CHLSN: variants seen among roughly 807,000 people sequenced by gnomAD.
The protein encoded by CHLSN is cholesin, also known as protein cholesin.
the CHLSN span, among the ~76,000 whole-genome samples, chr7:1,033,813 G>A: frequency 6.6e-6 from 1 of 152,072 alleles, no homozygotes; most frequent in Non-Finnish European, 1.5e-5. Flanking sequence ...TGCCTCCTGA[G>A]TGAGGGGAGG....
chr7:1,002,271 C>A, the CHLSN span, among the ~76,000 whole-genome samples: 3 of 62,906 alleles, frequency 4.8e-5, no homozygotes, highest in Admixed American at 3.6e-4. Flanking sequence ...GTGAGTGGAG[C>A]CCTGTGGGTG....
chr7:1,023,501 C>G, the CHLSN span, among the ~76,000 whole-genome samples: 11 of 151,850 alleles, frequency 7.2e-5, no homozygotes, highest in Admixed American at 2.6e-4. This position sits in a 1 kb window ranked among gnomAD's most constrained non-coding sequence, Gnocchi z 5.0. Flanking sequence ...CAGGGTCCCC[C>G]GCAGGCTCCT....
chr7:1,052,834 G>A, the CHLSN span, among the ~76,000 whole-genome samples: 1 of 152,190 alleles, frequency 6.6e-6, no homozygotes, highest in African/African-American at 2.4e-5. The surrounding 1 kb of genome is among the most constrained non-coding windows in gnomAD (Gnocchi z 4.2). Context: ...TGGGGGGCAG[G>A]CGGCCCTTCT....
At chr7:1,035,755 C>T in the CHLSN span, among the ~76,000 whole-genome samples, 1 of 152,174 alleles carries the variant, frequency 6.6e-6, no homozygotes, top group African/African-American at 2.4e-5. Flanking sequence ...TTGGCAAAAT[C>T]CTGCCACAGG....
the CHLSN span, among the ~76,000 whole-genome samples, chr7:1,096,889 G>A: frequency 6.6e-6 from 1 of 152,174 alleles, no homozygotes; most frequent in Non-Finnish European, 1.5e-5. This position sits in a 1 kb window ranked among gnomAD's most constrained non-coding sequence, Gnocchi z 4.6. Context: ...CAGGGTGGGG[G>A]AGAGAACTAC....
chr7:1,122,842 C>T, the CHLSN span, among the ~76,000 whole-genome samples: 12 of 152,340 alleles, frequency 7.9e-5, no homozygotes, highest in East Asian at 1.5e-3. Context: ...AGGCCCAAGG[C>T]GCCAACCCCA....
At chr7:1,102,665 C>T in the CHLSN span, among the ~76,000 whole-genome samples, 2,704 of 152,204 alleles carry the variant, frequency 0.018, 38 homozygotes, top group Non-Finnish European at 0.029. Context: ...ACCCAGCGGG[C>T]GACCTGGAGA....
the CHLSN span, among the ~76,000 whole-genome samples, chr7:1,075,344 C>A: frequency 6.6e-6 from 1 of 151,952 alleles, no homozygotes; most frequent in Non-Finnish European, 1.5e-5. Flanking sequence ...AATCCTGTCT[C>A]TACTAAACAT....
At chr7:1,015,131 T>A in the CHLSN span, among the ~76,000 whole-genome samples, 4 of 152,094 alleles carry the variant, frequency 2.6e-5, no homozygotes, top group African/African-American at 9.7e-5. Flanking sequence ...TCCCCAGCCG[T>A]GGCCTCACAC....
At chr7:1,080,407 G>T in the CHLSN span, among the ~76,000 whole-genome samples, 1 of 152,206 alleles carries the variant, frequency 6.6e-6, no homozygotes, top group African/African-American at 2.4e-5. Flanking sequence ...CATCTCAAGC[G>T]CAGGAGGCAC....
the CHLSN span, among the ~76,000 whole-genome samples, chr7:1,100,315 T>G: frequency 6.6e-6 from 1 of 152,186 alleles, no homozygotes; most frequent in African/African-American, 2.4e-5. Flanking sequence ...CTGGGTGCCG[T>G]GTTCAGGCCA....
the CHLSN span, among the ~76,000 whole-genome samples, chr7:1,012,022 G>A: frequency 6.6e-6 from 1 of 152,172 alleles, no homozygotes; most frequent in Non-Finnish European, 1.5e-5. Context: ...GCTCCAACCA[G>A]CTCCATGCTC....
At chr7:1,065,337 C>T in the CHLSN span, among the ~76,000 whole-genome samples, 3 of 152,368 alleles carry the variant, frequency 2.0e-5, no homozygotes, top group East Asian at 1.9e-4. Flanking sequence ...AAAATGGGAA[C>T]GGAAGTCCAC....
chr7:993,328 G>A, the CHLSN span, among the ~76,000 whole-genome samples: 1 of 152,162 alleles, frequency 6.6e-6, no homozygotes, highest in Non-Finnish European at 1.5e-5. Context: ...CCGAGGGACT[G>A]GACGGACGGC....
the CHLSN span, among the ~76,000 whole-genome samples, chr7:1,124,099 G>A: frequency 6.6e-6 from 1 of 152,234 alleles, no homozygotes; most frequent in East Asian, 1.9e-4. Flanking sequence ...AGGAAACAAA[G>A]GCTTTCTTCT....
At chr7:1,041,221 TGGGCTCCGCGCTGCGGGGAAGGGG>T in the CHLSN span, among the ~76,000 whole-genome samples, 540 of 146,632 alleles carry the variant, frequency 3.7e-3, 17 homozygotes, top group African/African-American at 0.012. Context: ...GAACGGGACC[TGGGCTCCGCGCTGCGGGGAAGGGG>T]ACCTGGGCTC....
At chr7:1,070,407 G>T in the CHLSN span, among the ~76,000 whole-genome samples, 1 of 120,592 alleles carries the variant, frequency 8.3e-6, no homozygotes, top group Non-Finnish European at 2.0e-5. Context: ...GGTGAGGGGC[G>T]CCTCTGCCCG....
chr7:1,001,421 T>C, the CHLSN span, among the ~76,000 whole-genome samples: 2 of 113,822 alleles, frequency 1.8e-5, no homozygotes. Flanking sequence ...GTGAGTGGAG[T>C]CCTGTGGGTG....
the CHLSN span, among the ~76,000 whole-genome samples, chr7:1,059,461 A>C: frequency 1.3e-5 from 2 of 151,152 alleles, no homozygotes; most frequent in East Asian, 3.9e-4. Flanking sequence ...ACTTGAGCGA[A>C]CAGGTCTGCA....
Sources: allele counts gnomAD v4.1 joint callset (sites outside exome capture counted in the v4.1 genomes callset), GRCh38; gene constraint gnomAD v4.1.1; non-coding constraint Gnocchi (gnomAD v3.1); transcripts MANE v1.5; gene names NCBI Gene and HGNC (gene_info 2026-07-23, HGNC 2026-07-21).